The following KIF15 variants were observed in gnomAD, a reference collection of about 807,000 sequenced individuals.
KIF15 encodes the protein kinesin family member 15.
A neutral mutation model predicts 190.6 loss-of-function variants in KIF15; 140 were observed. The observed-to-expected ratio is 0.73, with a 90% CI of 0.64 to 0.84. The LOEUF is 0.84. Among genes scored for constraint, KIF15 ranks in the 40% least tolerant of loss-of-function variants. The probability of loss-of-function intolerance (pLI) is 0.00; values close to 1 mark genes in which losing one functional copy is unlikely to be tolerated. For missense variants in KIF15, 1,372 were observed against 1,584.4 expected (o/e 0.87, Z 2.28); for synonymous variants, 528 against 551.3 (o/e 0.96, Z 0.59).
intron 10 of KIF15, 132 bp downstream of exon 10, chr3:44,798,088 T>C: frequency 1.2e-6 from 1 of 821,038 alleles, no homozygotes; most frequent in Non-Finnish European, 1.8e-6. Flanking sequence ...ATTTCTATTT[T>C]ATCTTTCCTA....
downstream of KIF15, among the ~76,000 whole-genome samples, chr3:44,854,567 A>G (rs1699164261): frequency 1.3e-5 from 2 of 152,198 alleles, no homozygotes; most frequent in Admixed American, 6.5e-5. Flanking sequence ...CCTCAGAGGT[A>G]GAAGAAGGTG....
At chr3:44,864,494 C>A in intron 6 of KIF15, 1 of 860,748 alleles carries the variant, frequency 1.2e-6, no homozygotes, top group Non-Finnish European at 1.8e-6. Flanking sequence ...GTGCTCTATT[C>A]ATGGAGCAAA....
intron 8 of KIF15, among the ~76,000 whole-genome samples, chr3:44,796,023 A>C (rs1424985276): frequency 6.6e-5 from 10 of 152,010 alleles, no homozygotes; most frequent in African/African-American, 2.4e-4. Context: ...CACCACACCC[A>C]GCTAATATTT....
intron 30 of KIF15, among the ~76,000 whole-genome samples, chr3:44,845,996 C>T (rs1404927981): frequency 6.6e-6 from 1 of 152,238 alleles, no homozygotes; most frequent in Non-Finnish European, 1.5e-5. Flanking sequence ...CCCGTCATAG[C>T]TTGCATACCC....
At chr3:44,821,942 C>A (rs1452932565) in intron 20 of KIF15, among the ~76,000 whole-genome samples, 2 of 152,192 alleles carry the variant, frequency 1.3e-5, no homozygotes, top group Non-Finnish European at 2.9e-5. Flanking sequence ...GCCAACACAG[C>A]GAAACCCCGT....
chr3:44,831,827 C>T (rs1186733256), intron 26 of KIF15, among the ~76,000 whole-genome samples: 8 of 152,118 alleles, frequency 5.3e-5, no homozygotes, highest in Admixed American at 3.9e-4. Flanking sequence ...ATCCTATATA[C>T]TTTTAGCCTT....
At chr3:44,764,030 T>C (rs1020140960) in intron 1 of KIF15, among the ~76,000 whole-genome samples, 2 of 152,248 alleles carry the variant, frequency 1.3e-5, no homozygotes, top group Non-Finnish European at 2.9e-5. Context: ...GGCAAATGAC[T>C]GATGAGTATT....
At position 44,841,121 on chromosome 3, in the gene KIF15, G is replaced by A. The variant is rs1361742116; in HGVS notation, c.3468G>A (p.Leu1156=). Residue 1156 remains leucine, a synonymous_variant, in exon 29 of 35, where the codon CTG becomes CTA. Transcript: ENST00000326047. ...PHFQTHLAKL[L]ETQEQEIEDG... ...TTCAAACACATTTGGCAAAACTCCT[G>A]GAAACACAAGAACAAGAGATAGAAG... is the stretch of plus-strand genomic sequence containing the variant. 1 of 1,613,670 alleles carries A rather than the reference G, an allele frequency of 6.2e-7. No homozygotes were observed. Among genetic ancestry groups the A allele is most frequent in the East Asian group, 2.2e-5 (1 of 44,848 alleles).
Position 44,864,272 on chromosome 3 carries a change from C to T in KIF15, c.*60-9057C>T, listed in dbSNP as rs563466758. The T allele has an allele frequency of 6.8e-5, 110 of 1,614,156 alleles. 1 individual carries two copies. Among genetic ancestry groups the T allele is most frequent in the South Asian group, 4.9e-4 (45 of 91,082 alleles). ...TTCTCTGATGTGGACCTTCTTTAGC[C>T]GGGGCCTCAGTTTCTCCATGTCTTC... On this transcript the variant is annotated intron_variant and NMD_transcript_variant, in intron 6 of 6. Transcript: ENST00000422209.
intron 6 of KIF15, among the ~76,000 whole-genome samples, chr3:44,868,614 A>C (rs967302108): frequency 6.6e-6 from 1 of 152,182 alleles, no homozygotes; most frequent in African/African-American, 2.4e-5. Context: ...CAGAACCTGA[A>C]TTTGCCAGCA....
chr3:44,764,543 A>G (rs1705302812), intron 1 of KIF15, among the ~76,000 whole-genome samples: 2 of 152,228 alleles, frequency 1.3e-5, no homozygotes. Flanking sequence ...TGTTATGAAT[A>G]AAGCTACTGA....
rs553983464 is a variant in KIF15, at chr3:44,802,879, A to G, written c.1575A>G (p.Arg525=). 1.1e-5 allele frequency: 17 copies of G among 1,612,076 alleles called. No homozygotes were observed. Among genetic ancestry groups the G allele is most frequent in the Middle Eastern group, 1.7e-4 (1 of 6,056 alleles). Residue 525 remains arginine (R), a synonymous_variant, in exon 14 of 35, where the codon AGA becomes AGG. Transcript: ENST00000326047. ...ATCATTCCCTCAGGGAGGAGAATAG[A>G]AGACTGAGATTATTAGAGCCTGTGA... The part of the protein sequence containing the change: ...MENHSLREEN[R]RLRLLEPVKR...
At chr3:44,806,054 TCTGCATGGTCTATCTC>T (rs1707484509) in intron 16 of KIF15, 68 bp downstream of exon 16, 3 of 1,510,234 alleles carry the variant, frequency 2.0e-6, no homozygotes, top group Admixed American at 3.8e-5. Context: ...ATGGAGAGAG[TCTGCATGGTCTATCTC>T]CAGATGCAGA....
intron 5 of KIF15, among the ~76,000 whole-genome samples, chr3:44,782,566 A>G (rs978117076): frequency 2.0e-5 from 3 of 152,224 alleles, no homozygotes; most frequent in African/African-American, 7.2e-5. Flanking sequence ...CAGAGGGAAT[A>G]CACAATTAAA....
rs2125727943 is a variant in KIF15, at chr3:44,848,057, A to G, written c.3768A>G (p.Lys1256=). The change falls in exon 31 of 35, where the codon AAA becomes AAG. Residue 1256 remains lysine (K), a splice_region_variant and synonymous_variant. Coordinates refer to ENST00000326047, the MANE Select transcript of KIF15 (RefSeq NM_020242.3). ...QEESIKERLA[K]SKIVEEMLKM... ...AAAGTATCAAAGAAAGACTTGCAAAAGTAAGATTTTTTTTTATGTAATAGT... is the reference window on the plus strand; with the variant it reads ...AAAGTATCAAAGAAAGACTTGCAAAGGTAAGATTTTTTTTTATGTAATAGT... 1 of 1,587,966 alleles carries G rather than the reference A, an allele frequency of 6.3e-7. No individual in the cohort carries two copies. Among genetic ancestry groups the G allele is most frequent in the East Asian group, 2.2e-5 (1 of 44,696 alleles).
chr3:44,823,314 G>A (rs927066544), intron 20 of KIF15, among the ~76,000 whole-genome samples: 1 of 152,176 alleles, frequency 6.6e-6, no homozygotes, highest in Non-Finnish European at 1.5e-5. Flanking sequence ...TCCAGACCCT[G>A]TTTGCCTGGG....
rs1029685924 is a variant in KIF15, at chr3:44,864,093, G to A, written c.*60-9236G>A. 288 of 1,460,698 alleles carry A rather than the reference G, an allele frequency of 2.0e-4. 2 individuals are homozygous for A. The East Asian group carries it at 6.5e-3, about 33-fold the overall frequency. 90.5% of individuals were successfully genotyped at this position (1,460,698 alleles called of 1,614,324 possible). A position where few individuals can be genotyped will look rare whatever the true frequency, so the allele number is the denominator to read the frequency against. ...CCCTCTGAGCTGTAGTGGGAGCTCA[G>A]TAGGAGCCTGGGTGCCAGCAACCAC... On this transcript the variant is annotated intron_variant and NMD_transcript_variant, in intron 6 of 6. Transcript: ENST00000422209.
chr3:44,796,925 T>A (rs1707017885), intron 8 of KIF15, among the ~76,000 whole-genome samples: 1 of 152,174 alleles, frequency 6.6e-6, no homozygotes, highest in South Asian at 2.1e-4. Context: ...CTCTAGCTTT[T>A]TTTTCCCTAT....
In KIF15 at chr3:44,801,932, G is replaced by A. The variant is rs778499666; in HGVS notation, c.1467G>A (p.Leu489=). 2 of 1,613,752 alleles carry A rather than the reference G, an allele frequency of 1.2e-6. No individual in the cohort carries two copies. The highest frequency in any genetic ancestry group is 3.3e-5 in the Admixed American group (2 of 60,012). The stretch of plus-strand genomic sequence containing the variant: ...TTCTGCCTGAGGAGCAGGATCGTTT[G>A]CTCTCAGAATTAAGGAATGAGATTC... The part of the protein sequence containing the change: ...GGFLPEEQDR[L]LSELRNEIQT... The change falls in exon 13 of 35, where the codon TTG becomes TTA. Residue 489 remains leucine, a synonymous_variant. Coordinates refer to ENST00000326047, the MANE Select transcript of KIF15 (RefSeq NM_020242.3).
Sources: gnomAD v4.1 joint callset for allele counts (sites outside exome capture counted in the v4.1 genomes callset) on GRCh38, gnomAD v4.1.1 for gene constraint, MANE v1.5 for transcripts, NCBI Gene and HGNC (gene_info 2026-07-23, HGNC 2026-07-21) for gene names.